The following ZSWIM5 variants were observed in gnomAD, a reference collection of about 807,000 sequenced individuals.
ZSWIM5 encodes the protein zinc finger SWIM domain-containing protein 5.
Under a neutral mutation model 119.6 loss-of-function variants are expected in ZSWIM5, and 55 were observed. The observed-to-expected ratio is 0.46, with a 90% CI of 0.37 to 0.58. ZSWIM5 has a LOEUF of 0.58. ZSWIM5 is among the 20% of genes least tolerant of loss of function. The probability of loss-of-function intolerance (pLI) is 0.00; values close to 1 mark genes in which losing one functional copy is unlikely to be tolerated. For synonymous variants in ZSWIM5, 537 were observed against 606.9 expected (o/e 0.88, Z 1.69); for missense variants, 1,193 against 1,512.8 (o/e 0.79, Z 3.51).
chr1:45,165,229 T>C (rs1271600285), intron 1 of ZSWIM5, among the ~76,000 whole-genome samples: 4 of 151,936 alleles, frequency 2.6e-5, no homozygotes, highest in African/African-American at 9.7e-5. Flanking sequence ...GGGTACATAA[T>C]GAAATGAAGG....
In ZSWIM5 at chr1:45,177,743, T is replaced by C. The variant is rs142067652; in HGVS notation, c.595+28013A>G. 3.1e-3 allele frequency among the ~76,000 whole-genome samples: 475 copies of C among 152,196 alleles called. 2 individuals carry two copies. Among genetic ancestry groups the C allele is most frequent in the Non-Finnish European group, 4.0e-3 (275 of 68,000 alleles). ...TCTCACTCTTGCTTCCCTGGGATCA[T>C]ATTCTTTAATAACACAATAGCACAT... On this transcript the variant is annotated intron_variant, in intron 1 of 13. Coordinates refer to ENST00000359600, the MANE Select transcript of ZSWIM5 (RefSeq NM_020883.2).
chr1:45,173,626 G>A (rs1004238305), intron 1 of ZSWIM5, among the ~76,000 whole-genome samples: 5 of 152,030 alleles, frequency 3.3e-5, no homozygotes, highest in African/African-American at 4.8e-5. Flanking sequence ...TATAAATTTG[G>A]ACTAGTTTCT....
intron 5 of ZSWIM5, among the ~76,000 whole-genome samples, chr1:45,048,070 CT>C: frequency 4.8e-5 from 1 of 20,876 alleles, no homozygotes; most frequent in African/African-American, 2.1e-4. Flanking sequence ...TCTTTCTTTC[CT>C]TTTCTTTTCT....
At chr1:45,021,395 C>A (rs1397895039) in intron 11 of ZSWIM5, among the ~76,000 whole-genome samples, 1 of 152,172 alleles carries the variant, frequency 6.6e-6, no homozygotes, top group Non-Finnish European at 1.5e-5. Flanking sequence ...AAAAGAACGG[C>A]AGTCCCACTG....
At chr1:45,115,060 G>A (rs956982753) in intron 1 of ZSWIM5, among the ~76,000 whole-genome samples, 2 of 152,224 alleles carry the variant, frequency 1.3e-5, no homozygotes, top group Non-Finnish European at 2.9e-5. Flanking sequence ...CACAGACACA[G>A]TAACAATCCG....
chr1:45,030,819 TAG>T (rs1280469254), intron 11 of ZSWIM5, among the ~76,000 whole-genome samples: 1 of 134,412 alleles, frequency 7.4e-6, no homozygotes. Context: ...TTTTTTGAGA[TAG>T]AGTCTTACTC....
Position 45,206,311 on chromosome 1 carries a change from A to G in ZSWIM5, c.40T>C (p.Ser14Pro). 6.5e-7 allele frequency: 1 copy of G among 1,540,584 alleles called. No homozygotes were observed. Among genetic ancestry groups the G allele is most frequent in the Non-Finnish European group, 8.7e-7 (1 of 1,143,700 alleles). Residue 14 changes from serine to proline, a missense_variant, in exon 1 of 14, where the codon TCA (serine) becomes CCA (proline). Around this residue, in one of 2 missense-constraint regions of ZSWIM5, gnomAD observed 232 missense variants for 222.9 expected, o/e 1.04. Transcript: ENST00000359600. Reference sequence around the variant, plus strand: ...TGCCGCTTAGCCGGAGAGACCGGTGACGGCGAGAGCAGCTCCTCTCGCTCA... The same window carrying G: ...TGCCGCTTAGCCGGAGAGACCGGTGGCGGCGAGAGCAGCTCCTCTCGCTCA... ...GGEREELLSP[S>P]PVSPAKRQCS...
At chr1:45,062,527 G>T (rs1329287712) in intron 2 of ZSWIM5, among the ~76,000 whole-genome samples, 2 of 152,004 alleles carry the variant, frequency 1.3e-5, no homozygotes, top group African/African-American at 2.4e-5. Context: ...TTTAGACAGG[G>T]TCTCACTCTG....
At chr1:45,200,274 C>T (rs1474837587) in intron 1 of ZSWIM5, among the ~76,000 whole-genome samples, 1 of 152,104 alleles carries the variant, frequency 6.6e-6, no homozygotes, top group Non-Finnish European at 1.5e-5. Flanking sequence ...AGCGTATAAT[C>T]ACATAATACT....
intron 1 of ZSWIM5, among the ~76,000 whole-genome samples, chr1:45,115,962 G>C (rs1645554994): frequency 6.6e-6 from 1 of 152,206 alleles, no homozygotes; most frequent in Non-Finnish European, 1.5e-5. Flanking sequence ...GCAAAAACCA[G>C]TCAGGCGTGG....
At chr1:45,077,087 C>G (rs1344808849) in intron 2 of ZSWIM5, among the ~76,000 whole-genome samples, 1 of 152,110 alleles carries the variant, frequency 6.6e-6, no homozygotes, top group Admixed American at 6.5e-5. Flanking sequence ...CTGTGTTTCT[C>G]CAGGATTGGT....
intron 1 of ZSWIM5, among the ~76,000 whole-genome samples, chr1:45,114,956 T>C (rs1045020225): frequency 6.6e-6 from 1 of 152,098 alleles, no homozygotes; most frequent in Non-Finnish European, 1.5e-5. Flanking sequence ...GAGCACGGGG[T>C]TGGGGGTAAG....
intron 11 of ZSWIM5, among the ~76,000 whole-genome samples, chr1:45,030,729 G>C (rs1644947765): frequency 6.6e-6 from 1 of 151,134 alleles, no homozygotes; most frequent in Non-Finnish European, 1.5e-5. Context: ...GGTCATTTCT[G>C]CCTTTTATCT....
intron 1 of ZSWIM5, among the ~76,000 whole-genome samples, chr1:45,147,561 G>T (rs1229225912): frequency 3.7e-5 from 4 of 107,412 alleles, no homozygotes; most frequent in South Asian, 3.2e-4. Context: ...CTGTTCCATT[G>T]TTAGTTAAGT....
chr1:45,050,079 C>CCT (rs1645080515), intron 5 of ZSWIM5, among the ~76,000 whole-genome samples: 1 of 152,112 alleles, frequency 6.6e-6, no homozygotes, highest in African/African-American at 2.4e-5. Flanking sequence ...AACTGCCAGG[C>CCT]GCAGTGGCTC....
chr1:45,147,584 C>A (rs1385777772), intron 1 of ZSWIM5, among the ~76,000 whole-genome samples: 1,295 of 92,828 alleles, frequency 0.014, no homozygotes, highest in East Asian at 0.054. Context: ...TTTACACATG[C>A]AAAAAAAAAA....
chr1:45,027,878 G>A (rs1644929853), intron 11 of ZSWIM5, among the ~76,000 whole-genome samples: 1 of 151,526 alleles, frequency 6.6e-6, no homozygotes, highest in Admixed American at 6.6e-5. Flanking sequence ...TTGAGATGGA[G>A]TCTCACTCTC....
At chr1:45,096,464 G>GCA (rs1557764344) in intron 1 of ZSWIM5, among the ~76,000 whole-genome samples, 13 of 143,492 alleles carry the variant, frequency 9.1e-5, no homozygotes, top group African/African-American at 2.3e-4. Context: ...GTGTGTGTGC[G>GCA]TGTGTGTGCA....
Position 45,126,217 on chromosome 1 carries a change from GA to G in ZSWIM5, c.596-37981del, listed in dbSNP as rs551160977. 1.7e-3 allele frequency among the ~76,000 whole-genome samples: 208 copies of G among 125,624 alleles called. 1 individual carries two copies. The highest frequency in any genetic ancestry group is 4.6e-3 in the African/African-American group (158 of 34,030). The allele number at this position is 125,624 out of a possible 152,430, so 82.4% of individuals were successfully genotyped here. A position where few individuals can be genotyped will look rare whatever the true frequency, so the allele number is the denominator to read the frequency against. Reference sequence around the variant, plus strand: ...GTAAAGAGAAGAAATCCATGAAACTGAAAAAAAAAAAATCAATGAAACAAAA... The same window carrying G: ...GTAAAGAGAAGAAATCCATGAAACTGAAAAAAAAAAATCAATGAAACAAAA... On this transcript the variant is annotated intron_variant, in intron 1 of 13. Transcript: ENST00000359600.
Sources: allele counts gnomAD v4.1 joint callset (sites outside exome capture counted in the v4.1 genomes callset), GRCh38; gene constraint gnomAD v4.1.1; regional missense constraint gnomAD v4.1.1; transcripts MANE v1.5; gene names NCBI Gene and HGNC (gene_info 2026-07-23, HGNC 2026-07-21).